RBFOX1: variants seen among roughly 807,000 people sequenced by gnomAD.
RBFOX1 encodes RNA binding protein fox-1 homolog 1.
A neutral mutation model predicts 57.7 loss-of-function variants in RBFOX1; 8 were observed. That is an observed-to-expected ratio of 0.14 (90% CI 0.08 to 0.25). RBFOX1 has a LOEUF of 0.25. Among genes scored for constraint, RBFOX1 ranks in the 10% least tolerant of loss-of-function variants. The probability of loss-of-function intolerance (pLI) is 1.00; values close to 1 mark genes in which losing one functional copy is unlikely to be tolerated. For synonymous variants in RBFOX1, 326 were observed against 222.4 expected, an observed-to-expected ratio of 1.47 and a Z score of -4.15; for missense variants, 611 against 548.5, an observed-to-expected ratio of 1.11 and a Z score of -1.14.
intron 1 of RBFOX1, among the ~76,000 whole-genome samples, chr16:6,028,091 C>T (rs1178236226): frequency 6.6e-6 from 1 of 152,152 alleles, no homozygotes; most frequent in Non-Finnish European, 1.5e-5. Flanking sequence ...GGACCAGCCC[C>T]CTGTCTTGAT....
chr16:7,506,184 C>CAAAA (rs552568132), intron 4 of RBFOX1, among the ~76,000 whole-genome samples: 762 of 49,942 alleles, frequency 0.015, 68 homozygotes, highest in African/African-American at 0.052. Flanking sequence ...GACTCTGTCT[C>CAAAA]AAAAAAAAAA....
At chr16:6,979,487 A>T (rs890609681) in intron 3 of RBFOX1, among the ~76,000 whole-genome samples, 2 of 152,192 alleles carry the variant, frequency 1.3e-5, no homozygotes, top group African/African-American at 4.8e-5. Context: ...GTACCTTTCT[A>T]TTGATTGAAG....
At chr16:6,631,822 C>CG (rs1567962189) in intron 2 of RBFOX1, among the ~76,000 whole-genome samples, 5 of 151,776 alleles carry the variant, frequency 3.3e-5, no homozygotes. Flanking sequence ...GGGGGTAGAG[C>CG]GGGTGCATGC....
At chr16:6,846,231 C>G (rs778326760) in intron 3 of RBFOX1, among the ~76,000 whole-genome samples, 1 of 152,176 alleles carries the variant, frequency 6.6e-6, no homozygotes. Context: ...TGTTTTCAGT[C>G]TGTGTGATAG....
intron 5 of RBFOX1, among the ~76,000 whole-genome samples, chr16:7,522,085 C>G: frequency 6.6e-6 from 1 of 152,264 alleles, no homozygotes; most frequent in East Asian, 1.9e-4. Flanking sequence ...TGTCCCAGCC[C>G]TGGGGTCACT....
intron 3 of RBFOX1, among the ~76,000 whole-genome samples, chr16:6,867,951 A>C (rs1446778585): frequency 6.6e-6 from 1 of 152,210 alleles, no homozygotes; most frequent in East Asian, 1.9e-4. Flanking sequence ...ACTATGGCTC[A>C]GACAAATTGG....
At chr16:6,780,398 T>TTTTATGTATA (rs2080711380) in intron 3 of RBFOX1, among the ~76,000 whole-genome samples, 2 of 79,986 alleles carry the variant, frequency 2.5e-5, no homozygotes, top group Admixed American at 2.0e-4. Context: ...TTATATATAT[T>TTTTATGTATA]TTTATATATA....
At chr16:7,272,210 G>T (rs1004979784) in intron 4 of RBFOX1, among the ~76,000 whole-genome samples, 1 of 152,092 alleles carries the variant, frequency 6.6e-6, no homozygotes, top group Non-Finnish European at 1.5e-5. Flanking sequence ...TTGAGAAAGA[G>T]TCTCGCTCTG....
At chr16:5,785,687 C>T (rs1000944889) in intron 3 of RBFOX1, among the ~76,000 whole-genome samples, 1 of 151,944 alleles carries the variant, frequency 6.6e-6, no homozygotes, top group Admixed American at 6.6e-5. Context: ...ACCACCATAC[C>T]CGGCTAATTT....
chr16:6,482,600 T>C (rs1182618300), intron 2 of RBFOX1, among the ~76,000 whole-genome samples: 1 of 152,218 alleles, frequency 6.6e-6, no homozygotes, highest in Non-Finnish European at 1.5e-5. Flanking sequence ...GTTGTTTTTC[T>C]CCTAAAAGCA....
chr16:5,530,066 T>A (rs1400584446), intron 2 of RBFOX1, among the ~76,000 whole-genome samples: 1 of 152,168 alleles, frequency 6.6e-6, no homozygotes, highest in East Asian at 1.9e-4. Context: ...CATCCAGAGC[T>A]GTGAGACAAT....
intron 4 of RBFOX1, among the ~76,000 whole-genome samples, chr16:7,413,320 C>G (rs992676674): frequency 6.6e-6 from 1 of 152,118 alleles, no homozygotes; most frequent in African/African-American, 2.4e-5. Context: ...ATCTGACCCC[C>G]TGCCTCCCTT....
At chr16:5,589,746 C>G (rs1264727120) in intron 2 of RBFOX1, among the ~76,000 whole-genome samples, 1 of 152,134 alleles carries the variant, frequency 6.6e-6, no homozygotes, top group South Asian at 2.1e-4. Context: ...GAGTCTGAAG[C>G]TCAGAGAGGT....
At chr16:5,243,593 C>T (rs577538464) in intron 1 of RBFOX1, among the ~76,000 whole-genome samples, 8 of 152,276 alleles carry the variant, frequency 5.3e-5, no homozygotes, top group African/African-American at 1.9e-4. Context: ...GCTATGGCTA[C>T]CCCAGATGTC....
chr16:5,663,772 C>A lies in RBFOX1; in HGVS notation c.318+64811C>A, dbSNP rs912437076. Among the ~76,000 whole-genome samples, 6 of 152,208 alleles carry A rather than the reference C, an allele frequency of 3.9e-5. No homozygotes were observed. The South Asian group carries it at 1.2e-3, about 32-fold the overall frequency. ...GGAGACCACACCATATTCTGGGTCA[C>A]CTCTTGTCTGTATTTGTCCCAGCCT... On this transcript the variant is annotated intron_variant, in intron 3 of 19. Coordinates refer to the RBFOX1 transcript ENST00000641259.
chr16:6,626,156 TC>T (rs1013941807), intron 2 of RBFOX1, among the ~76,000 whole-genome samples: 1 of 151,322 alleles, frequency 6.6e-6, no homozygotes, highest in East Asian at 1.9e-4. Context: ...TTTTTTTTTT[TC>T]CCAAATTGCA....
chr16:6,275,516 T>C (rs1334622460), intron 1 of RBFOX1, among the ~76,000 whole-genome samples: 7 of 152,182 alleles, frequency 4.6e-5, no homozygotes, highest in Non-Finnish European at 7.3e-5. Context: ...ATTTCACATC[T>C]GAGGGCACTG....
intron 2 of RBFOX1, among the ~76,000 whole-genome samples, chr16:5,473,187 A>G (rs1023268041): frequency 2.0e-5 from 3 of 152,012 alleles, no homozygotes; most frequent in Non-Finnish European, 1.5e-5. Flanking sequence ...TCTCATGTTT[A>G]TTTACATGAT....
At chr16:6,811,161 G>T (rs916920352) in intron 3 of RBFOX1, among the ~76,000 whole-genome samples, 1 of 152,142 alleles carries the variant, frequency 6.6e-6, no homozygotes, top group Non-Finnish European at 1.5e-5. Flanking sequence ...TCTGAAGGAA[G>T]AATTAAGTGA....
Sources: gnomAD v4.1 joint callset for allele counts (sites outside exome capture counted in the v4.1 genomes callset) on GRCh38, gnomAD v4.1.1 for gene constraint, MANE v1.5 for transcripts, NCBI Gene and HGNC (gene_info 2026-07-23, HGNC 2026-07-21) for gene names.